Variants in PCDHGA9 observed in about 807,000 individuals in gnomAD.
The protein encoded by PCDHGA9 is protocadherin gamma subfamily A, 9.
A neutral mutation model predicts 62.5 loss-of-function variants in PCDHGA9; 37 were observed. The observed-to-expected ratio is 0.59, with a 90% CI of 0.46 to 0.78. The LOEUF is 0.78. Ranked by LOEUF, PCDHGA9 falls within the 30% of genes least tolerant of loss-of-function variation. PCDHGA9 has a pLI of 0.00. For missense variants in PCDHGA9, 1,138 were observed against 1,166.2 expected (o/e 0.98, Z 0.35); for synonymous variants, 459 against 484.6 (o/e 0.95, Z 0.69).
chr5:141,476,831 G>C lies in PCDHGA9; in HGVS notation c.2425-17976G>C, dbSNP rs779348525. ...TCACATCAAGGTGCTGGACGCGAAT[G>C]ACAATGCGCCTGTCTTCAACCAGTC... On this transcript the variant is annotated intron_variant, in intron 1 of 3. Transcript: ENST00000573521. This position sits in a 1 kb window ranked among gnomAD's most constrained non-coding sequence, Gnocchi z 7.6. 1 of 1,613,504 alleles carries C rather than the reference G, an allele frequency of 6.2e-7. No homozygotes were observed. Among genetic ancestry groups the C allele is most frequent in the Non-Finnish European group, 8.5e-7 (1 of 1,180,050 alleles).
At position 141,485,336 on chromosome 5, in the gene PCDHGA9, G is replaced by A. The variant is rs755039880; in HGVS notation, c.2425-9471G>A. Reference sequence around the variant, plus strand: ...GAATGTCGCTCAAGATTTCCTGCTGGATACGGACAGTCTGTCAGCTCGCAG... The same window carrying A: ...GAATGTCGCTCAAGATTTCCTGCTGAATACGGACAGTCTGTCAGCTCGCAG... On this transcript the variant is annotated intron_variant, in intron 1 of 3. Transcript: ENST00000573521. The surrounding 1 kb of genome is among the most constrained non-coding windows in gnomAD (Gnocchi z 5.7). 3 of 1,614,176 alleles carry A rather than the reference G, an allele frequency of 1.9e-6. No homozygotes were observed. In the South Asian group the frequency reaches 3.3e-5, roughly 18 times the overall value.
In PCDHGA9 at chr5:141,491,958, A is replaced by C; in HGVS notation, c.2425-2849A>C. The C allele has an allele frequency of 2.0e-6, 2 of 999,758 alleles. No homozygotes were observed. Among genetic ancestry groups the C allele is most frequent in the Non-Finnish European group, 2.8e-6 (2 of 718,534 alleles). The allele number at this position is 999,758 out of a possible 1,614,324, so 61.9% of individuals were successfully genotyped here. The stretch of plus-strand genomic sequence containing the variant: ...ACCGACCCCCACCCCTACACTCAAA[A>C]AAGGCCGGGGCCTCCTTCGAGCTTC... On this transcript the variant is annotated intron_variant, in intron 1 of 3. Coordinates refer to ENST00000573521, the MANE Select transcript of PCDHGA9 (RefSeq NM_018921.3). The surrounding 1 kb of genome is among the most constrained non-coding windows in gnomAD (Gnocchi z 6.9).
At position 141,502,487 on chromosome 5, in the gene PCDHGA9, C is replaced by T. The variant is rs563658817; in HGVS notation, c.2484-2906C>T. ...TACTTCCCGCAGCATCACACTGGGACTCATCTAACGTCGGCCTGTCCCACT... is the reference window on the plus strand; with the variant it reads ...TACTTCCCGCAGCATCACACTGGGATTCATCTAACGTCGGCCTGTCCCACT... On this transcript the variant is annotated intron_variant, in intron 2 of 3. Coordinates refer to ENST00000573521, the MANE Select transcript of PCDHGA9 (RefSeq NM_018921.3). Among the ~76,000 whole-genome samples, 92 of 152,298 alleles carry T rather than the reference C, an allele frequency of 6.0e-4. 3 individuals are homozygous for T. The highest frequency in any genetic ancestry group is 1.5e-4 in the Non-Finnish European group (10 of 68,030).
chr5:141,484,549 G>A (rs939394402), intron 1 of PCDHGA9, among the ~76,000 whole-genome samples: 1 of 152,162 alleles, frequency 6.6e-6, no homozygotes, highest in African/African-American at 2.4e-5. Context: ...GTTCTAATTA[G>A]CAGTTGCTCC....
At chr5:141,481,913 CAAAA>C (rs34114744) in intron 1 of PCDHGA9, among the ~76,000 whole-genome samples, 1 of 90,848 alleles carries the variant, frequency 1.1e-5, no homozygotes, top group Non-Finnish European at 2.2e-5. Context: ...AACTCCATCT[CAAAA>C]AAAAAAAAAA....
intron 1 of PCDHGA9, among the ~76,000 whole-genome samples, chr5:141,488,463 C>T (rs926068842): frequency 6.6e-6 from 1 of 152,164 alleles, no homozygotes; most frequent in African/African-American, 2.4e-5. Flanking sequence ...GATTCAGCCC[C>T]AGAAATGTTC....
intron 1 of PCDHGA9, among the ~76,000 whole-genome samples, chr5:141,444,726 G>C (rs1296177763): frequency 6.6e-6 from 1 of 152,048 alleles, no homozygotes; most frequent in African/African-American, 2.4e-5. Flanking sequence ...TGGTGCCTTT[G>C]TTGAAAGTCA....
rs147506725 is a variant in PCDHGA9, at chr5:141,442,240, G to A, written c.2424+36864G>A. Reference sequence around the variant, plus strand: ...CTTTAATTTCCTTTTTATTCTTCCTGATTGCATTGTTTGTGCTGGTTTTAA... The same window carrying A: ...CTTTAATTTCCTTTTTATTCTTCCTAATTGCATTGTTTGTGCTGGTTTTAA... On this transcript the variant is annotated intron_variant, in intron 1 of 3. Transcript: ENST00000573521. 1,291 of 153,334 alleles carry A rather than the reference G, an allele frequency of 8.4e-3. 26 individuals carry two copies. The highest frequency in any genetic ancestry group is 0.029 in the African/African-American group (1,208 of 41,552). 9.5% of individuals were successfully genotyped at this position (153,334 alleles called of 1,614,324 possible).
intron 1 of PCDHGA9, among the ~76,000 whole-genome samples, chr5:141,435,225 A>G (rs919735003): frequency 5.9e-5 from 9 of 152,188 alleles, no homozygotes; most frequent in Non-Finnish European, 1.2e-4. Context: ...CTTTCTTTCA[A>G]AGTTCAGTAA....
intron 2 of PCDHGA9, among the ~76,000 whole-genome samples, chr5:141,500,008 C>T (rs1027220192): frequency 6.6e-6 from 1 of 151,770 alleles, no homozygotes; most frequent in African/African-American, 2.4e-5. Flanking sequence ...TTCATAAGGT[C>T]CACATTTTAT....
In PCDHGA9 at chr5:141,431,184, T is replaced by G. The variant is rs754537015; in HGVS notation, c.2424+25808T>G. The G allele has an allele frequency of 5.6e-6, 9 of 1,614,090 alleles. No homozygotes were observed. Among genetic ancestry groups the G allele is most frequent in the Non-Finnish European group, 6.8e-6 (8 of 1,180,050 alleles). ...CGTGAAAGTGAATTAGAAATAAAAA[T>G]TAGTGAAAATGCAGCCACTGAGATG... On this transcript the variant is annotated intron_variant, in intron 1 of 3. Transcript: ENST00000573521. The surrounding 1 kb of genome is among the most constrained non-coding windows in gnomAD (Gnocchi z 4.8).
At chr5:141,422,724 G>A (rs560544401) in intron 1 of PCDHGA9, 9 of 1,606,016 alleles carry the variant, frequency 5.6e-6, no homozygotes, top group East Asian at 2.2e-5. Flanking sequence ...CTGTCCAGGG[G>A]GTGCCTCTGT....
At position 141,419,598 on chromosome 5, in the gene PCDHGA9, G is replaced by A. The variant is rs1466867194; in HGVS notation, c.2424+14222G>A. On this transcript the variant is annotated intron_variant, in intron 1 of 3. Transcript: ENST00000573521. ...TCCGCGCTCTTCGACACAGTGCCGC[G>A]GGCCGCGCAGCCAGGCTACCTGGTG... 21 of 1,611,674 alleles carry A rather than the reference G, an allele frequency of 1.3e-5. No individual in the cohort carries two copies. In the South Asian group the frequency reaches 1.3e-4, roughly 10 times the overall value.
intron 1 of PCDHGA9, chr5:141,426,693 A>C (rs62378458): frequency 0.034 from 14,964 of 435,892 alleles, 320 homozygotes; most frequent in Middle Eastern, 0.11. Flanking sequence ...CCAAAATAGC[A>C]TTGTTTTACA....
chr5:141,439,960 T>G (rs1297261423), intron 1 of PCDHGA9: 1 of 152,668 alleles, frequency 6.6e-6, no homozygotes, highest in African/African-American at 2.4e-5. Flanking sequence ...AGATCCGTTA[T>G]TCAGTCCTAG....
At chr5:141,497,223 T>G (rs921763195) in intron 2 of PCDHGA9, among the ~76,000 whole-genome samples, 14 of 151,762 alleles carry the variant, frequency 9.2e-5, no homozygotes, top group African/African-American at 3.4e-4. Context: ...GGGGGGAAGA[T>G]CAGAGAAGGC....
chr5:141,422,539 C>T (rs1335732614), intron 1 of PCDHGA9: 6 of 1,613,876 alleles, frequency 3.7e-6, no homozygotes, highest in Middle Eastern at 1.6e-4. Context: ...TGCAGAAACT[C>T]ATGTCTGGCT....
chr5:141,405,457 TTA>T, intron 1 of PCDHGA9, 81 bp downstream of exon 1: 1 of 1,256,670 alleles, frequency 8.0e-7, no homozygotes, highest in Non-Finnish European at 1.1e-6. Context: ...TCTTACTCTG[TTA>T]CCCAGGCTGG....
intron 1 of PCDHGA9, among the ~76,000 whole-genome samples, chr5:141,459,312 G>A (rs968359414): frequency 6.6e-6 from 1 of 152,084 alleles, no homozygotes; most frequent in African/African-American, 2.4e-5. Flanking sequence ...ATACTATTTT[G>A]TATCCATCTT....
Sources: allele counts gnomAD v4.1 joint callset (sites outside exome capture counted in the v4.1 genomes callset), GRCh38; gene constraint gnomAD v4.1.1; non-coding constraint Gnocchi (gnomAD v3.1); transcripts MANE v1.5; gene names NCBI Gene and HGNC (gene_info 2026-07-23, HGNC 2026-07-21).